Variants in ZEB1 observed in about 807,000 individuals in gnomAD.
ZEB1 encodes zinc finger E-box-binding homeobox 1.
In ZEB1, 21 loss-of-function variants were observed where a neutral mutation model predicts 84.9. That is an observed-to-expected ratio of 0.25 (90% CI 0.18 to 0.36). ZEB1 has a LOEUF of 0.36. Ranked by LOEUF, ZEB1 falls within the 10% of genes least tolerant of loss-of-function variation. ZEB1 has a pLI of 1.00. For synonymous variants in ZEB1, 420 were observed against 471.1 expected (o/e 0.89, Z 1.41); for missense variants, 1,104 against 1,330.2 (o/e 0.83, Z 2.65).
chr10:31,524,202 C>CTT (rs59206948), intron 8 of ZEB1, 89 bp downstream of exon 8: 1,496 of 1,036,682 alleles, frequency 1.4e-3, no homozygotes, highest in Non-Finnish European at 1.8e-3. Flanking sequence ...AATTTTCTTT[C>CTT]TTTTTTTTTT....
intron 1 of ZEB1, among the ~76,000 whole-genome samples, chr10:31,452,775 G>GAGAGAGAGAGAGAT (rs2060765821): frequency 6.9e-6 from 1 of 144,258 alleles, no homozygotes; most frequent in African/African-American, 2.6e-5. Flanking sequence ...GAGAGAGAGA[G>GAGAGAGAGAGAGAT]ATGTTATTGT....
At chr10:31,426,147 G>A (rs995592001) in intron 1 of ZEB1, among the ~76,000 whole-genome samples, 1 of 152,086 alleles carries the variant, frequency 6.6e-6, no homozygotes. Flanking sequence ...CAATGTTACA[G>A]TATGTTGTTC....
rs566441131 is a variant in ZEB1, at chr10:31,494,587, T to C, written c.260-1189T>C. Among the ~76,000 whole-genome samples, 11 of 152,144 alleles carry C rather than the reference T, an allele frequency of 7.2e-5. 1 individual carries two copies. The South Asian group carries it at 1.7e-3, about 23-fold the overall frequency. On this transcript the variant is annotated intron_variant, in intron 2 of 8. Coordinates refer to ENST00000424869, the MANE Select transcript of ZEB1 (RefSeq NM_001174096.2). Reference sequence around the variant, plus strand: ...AGAAATCTCAATCAAGACTTTTGACTAACATAGTGCAATTTGATTAGGGTG... The same window carrying C: ...AGAAATCTCAATCAAGACTTTTGACCAACATAGTGCAATTTGATTAGGGTG...
chr10:31,514,794 G>A (rs932591929), intron 6 of ZEB1, 86 bp downstream of exon 6: 1 of 1,084,482 alleles, frequency 9.2e-7, no homozygotes, highest in African/African-American at 1.6e-5. Flanking sequence ...CTACGTACAT[G>A]ATCAGAAACT....
intron 1 of ZEB1, among the ~76,000 whole-genome samples, chr10:31,405,551 T>C (rs2052815750): frequency 6.6e-6 from 1 of 152,182 alleles, no homozygotes; most frequent in South Asian, 2.1e-4. Context: ...TTTATAGTGC[T>C]TGTAAACTTT....
intron 1 of ZEB1, among the ~76,000 whole-genome samples, chr10:31,391,202 C>T (rs1198024676): frequency 1.3e-5 from 2 of 149,164 alleles, no homozygotes; most frequent in Non-Finnish European, 3.0e-5. Context: ...TACTGCATTT[C>T]CTTCAGAGAA....
chr10:31,524,372 C>T (rs1176260858), intron 8 of ZEB1, among the ~76,000 whole-genome samples: 1 of 151,988 alleles, frequency 6.6e-6, no homozygotes, highest in Non-Finnish European at 1.5e-5. Flanking sequence ...GCACATACCA[C>T]CACACCTGGC....
rs114900347 is a variant in ZEB1 at position 31,346,114 on chromosome 10, T to C, written c.58+26822T>C. Among the ~76,000 whole-genome samples the C allele has an allele frequency of 5.6e-3, 846 of 152,280 alleles. 12 individuals carry two copies. The highest frequency in any genetic ancestry group is 0.02 in the African/African-American group (811 of 41,560). ...GAAGTATGAATAGTCATCATTAAAATGTAGGGAGTTTATAGGGAAGCTTAT... is the reference window on the plus strand; with the variant it reads ...GAAGTATGAATAGTCATCATTAAAACGTAGGGAGTTTATAGGGAAGCTTAT... On this transcript the variant is annotated intron_variant, in intron 1 of 8. Transcript: ENST00000424869.
chr10:31,319,775 A>T (rs2033256788), intron 1 of ZEB1: 2 of 152,440 alleles, frequency 1.3e-5, no homozygotes, highest in African/African-American at 4.9e-5. Flanking sequence ...GCCGCGGAAC[A>T]AACTTGTGCC....
chr10:31,527,183 T>C lies in ZEB1; in HGVS notation c.3297T>C (p.Ala1099=). ...KTEGLMKDDR[A]ESQASSLGQK... is the part of the protein sequence containing the mutation. ...AAGGTCTGATGAAGGATGACAGGGC[T>C]GAAAGTCAAGCAAGCAGCTTAGGAC... Residue 1099 remains alanine (A), a synonymous_variant, in exon 9 of 9, where the codon GCT becomes GCC. Transcript: ENST00000424869. 1 of 1,611,490 alleles carries C rather than the reference T, an allele frequency of 6.2e-7. No homozygotes were observed.
chr10:31,510,900 C>A, intron 5 of ZEB1, 25 bp downstream of exon 5: 1 of 1,609,836 alleles, frequency 6.2e-7, no homozygotes, highest in Non-Finnish European at 8.5e-7. Context: ...TGAGAGTTCA[C>A]TAACTTTCCA....
chr10:31,429,405 G>T (rs2057388710), intron 1 of ZEB1, among the ~76,000 whole-genome samples: 1 of 152,018 alleles, frequency 6.6e-6, no homozygotes. Context: ...TGGCTTGTAG[G>T]GTTTCGGAGG....
Position 31,510,654 on chromosome 10 carries a change from T to C in ZEB1, c.485-19T>C. ...TTCTGAATGTTTTAAATTTAAAATA[T>C]ATGATCTTTCTTTTACAGGAACACC... On this transcript the variant is annotated intron_variant, in intron 4 of 8. Transcript: ENST00000424869. The C allele has an allele frequency of 6.2e-7, 1 of 1,600,696 alleles. No individual in the cohort carries two copies. Among genetic ancestry groups the C allele is most frequent in the Non-Finnish European group, 8.6e-7 (1 of 1,169,338 alleles).
chr10:31,463,021 T>C (rs947362432), intron 2 of ZEB1, among the ~76,000 whole-genome samples: 9 of 152,198 alleles, frequency 5.9e-5, no homozygotes, highest in African/African-American at 2.2e-4. Context: ...TGCTCACTTA[T>C]GGCAGCTGGT....
chr10:31,393,907 T>C (rs1380872029), intron 1 of ZEB1, among the ~76,000 whole-genome samples: 1 of 152,192 alleles, frequency 6.6e-6, no homozygotes, highest in Non-Finnish European at 1.5e-5. Context: ...CTGGAGTACT[T>C]AGACTTTGAA....
chr10:31,488,458 A>G (rs560850147), intron 2 of ZEB1, among the ~76,000 whole-genome samples: 1 of 148,502 alleles, frequency 6.7e-6, no homozygotes, highest in African/African-American at 2.5e-5. Flanking sequence ...TTGCTTACCG[A>G]TCCTACTACA....
At position 31,521,651 on chromosome 10, in the gene ZEB1, C is replaced by T. The variant is rs143340752; in HGVS notation, c.2319C>T (p.Cys773=). ...AGGAAGAACCCTTGAACTTGTCTTG[C>T]GCAAAAAAGGAGCCACAAAAGGACA... ...SVQEEPLNLS[C]AKKEPQKDSC... Residue 773 remains cysteine, a synonymous_variant, in exon 7 of 9, where the codon TGC becomes TGT. Transcript: ENST00000424869. 279 of 1,613,970 alleles carry T rather than the reference C, an allele frequency of 1.7e-4. 1 individual carries two copies. The highest frequency in any genetic ancestry group is 1.2e-3 in the East Asian group (53 of 44,848).
intron 2 of ZEB1, among the ~76,000 whole-genome samples, chr10:31,489,446 GGTTT>G (rs147634379): frequency 0.011 from 1,610 of 150,846 alleles, 28 homozygotes; most frequent in African/African-American, 0.037. Flanking sequence ...GCCCTTAATT[GGTTT>G]GTTTAGGCCA....
At chr10:31,397,321 G>T (rs986273417) in intron 1 of ZEB1, among the ~76,000 whole-genome samples, 1 of 151,342 alleles carries the variant, frequency 6.6e-6, no homozygotes, top group Non-Finnish European at 1.5e-5. Flanking sequence ...TTACTGATAC[G>T]GTATTTAAGA....
Sources: allele counts gnomAD v4.1 joint callset (sites outside exome capture counted in the v4.1 genomes callset), GRCh38; gene constraint gnomAD v4.1.1; transcripts MANE v1.5; gene names NCBI Gene and HGNC (gene_info 2026-07-23, HGNC 2026-07-21).